KCNQ2: variants seen among roughly 807,000 people sequenced by gnomAD.
KCNQ2 encodes the protein potassium voltage-gated channel subfamily KQT member 2.
Under a neutral mutation model 84.8 loss-of-function variants are expected in KCNQ2, and 14 were observed. That is an observed-to-expected ratio of 0.17 (90% CI 0.11 to 0.26). The LOEUF is 0.26. Ranked by LOEUF, KCNQ2 falls within the 10% of genes least tolerant of loss-of-function variation. The probability of loss-of-function intolerance (pLI) is 1.00; values close to 1 mark genes in which losing one functional copy is unlikely to be tolerated. For synonymous variants in KCNQ2, 599 were observed against 554.1 expected (o/e 1.08, Z -1.14); for missense variants, 788 against 1,254.0 (o/e 0.63, Z 5.61).
chr20:63,406,906 G>A lies in KCNQ2; in HGVS notation c.2357C>T (p.Thr786Met), dbSNP rs754872408. The change falls in exon 17 of 17, where the codon ACG (threonine) becomes ATG (methionine). Residue 786 changes from threonine (T) to methionine (M), a missense_variant. Coordinates refer to ENST00000359125, the MANE Select transcript of KCNQ2 (RefSeq NM_172107.4). ...PPEGNLRDSD[T>M]SISIPSVDHE... ...GTCCACGGACGGGATGGAGATGGAC[G>A]TGTCGCTGTCCCGCAGGTTCCCCTC... 1 of 1,610,668 alleles carries A rather than the reference G, an allele frequency of 6.2e-7. No homozygotes were observed. Among genetic ancestry groups the A allele is most frequent in the Non-Finnish European group, 8.5e-7 (1 of 1,179,328 alleles).
chr20:63,454,443 G>A (rs1600826941), intron 1 of KCNQ2, among the ~76,000 whole-genome samples: 3 of 152,224 alleles, frequency 2.0e-5, no homozygotes, highest in African/African-American at 4.8e-5. Context: ...GGGAGGAGGC[G>A]GCACGGGGTG....
Position 63,407,130 on chromosome 20 carries a change from C to T in KCNQ2, c.2133G>A (p.Gln711=), listed in dbSNP as rs946287354. 9.0e-6 allele frequency: 14 copies of T among 1,560,360 alleles called. No individual in the cohort carries two copies. Among genetic ancestry groups the T allele is most frequent in the Non-Finnish European group, 1.2e-5 (14 of 1,156,538 alleles). The change falls in exon 17 of 17, where the codon CAG becomes CAA. Residue 711 remains glutamine (Q), a synonymous_variant. Transcript: ENST00000359125. This position sits in a 1 kb window ranked among gnomAD's most constrained non-coding sequence, Gnocchi z 7.2. ...FSAPPAAPPV[Q]CPPSTSWQPQ... ...GCTGCCAGGAGGTGGAGGGCGGACA[C>T]TGGACAGGGGGCGCGGCCGGGGGCG...
intron 10 of KCNQ2, among the ~76,000 whole-genome samples, chr20:63,427,557 G>A (rs1344152249): frequency 4.6e-5 from 7 of 152,218 alleles, no homozygotes; most frequent in South Asian, 2.1e-4. Flanking sequence ...TGCTCCCTCC[G>A]AAAGCTCCAG....
intron 10 of KCNQ2, among the ~76,000 whole-genome samples, chr20:63,427,322 G>A (rs192317611): frequency 2.0e-5 from 3 of 152,354 alleles, no homozygotes; most frequent in Admixed American, 1.3e-4. Flanking sequence ...AGTCCTCCAC[G>A]CATGAACCTG....
chr20:63,406,886 C>T lies in KCNQ2; in HGVS notation c.2377G>A (p.Val793Met), dbSNP rs377227909. ...GAACGCTCCAGCTCCTCGTGGTCCA[C>T]GGACGGGATGGAGATGGACGTGTCG... ...DSDTSISIPS[V>M]DHEELERSFS... The change falls in exon 17 of 17, where the codon GTG becomes ATG. Residue 793 changes from valine (V) to methionine (M), a missense_variant. Physicochemically the swap from Val to Met is conservative, Grantham distance 21. Coordinates refer to ENST00000359125, the MANE Select transcript of KCNQ2 (RefSeq NM_172107.4). The T allele has an allele frequency of 8.1e-6, 13 of 1,611,840 alleles. No homozygotes were observed. Among genetic ancestry groups the T allele is most frequent in the East Asian group, 2.2e-5 (1 of 44,860 alleles).
chr20:63,421,948 C>T (rs1037986999), intron 11 of KCNQ2, among the ~76,000 whole-genome samples: 9 of 152,196 alleles, frequency 5.9e-5, no homozygotes, highest in African/African-American at 2.2e-4. Context: ...ACCGAGCCCC[C>T]GCCAGCCGGG....
rs369948425 is a variant in KCNQ2 at position 63,414,786 on chromosome 20, G to T, written c.1525+117C>A. On this transcript the variant is annotated intron_variant, in intron 13 of 16. Transcript: ENST00000359125. This position sits in a 1 kb window ranked among gnomAD's most constrained non-coding sequence, Gnocchi z 6.6. ...ACCTCAATTTTAGAAAGGATAGGGG[G>T]TTCCCACTCCAAGAGCAAGCAAAAG... 23 of 943,222 alleles carry T rather than the reference G, an allele frequency of 2.4e-5. No individual in the cohort carries two copies. In the East Asian group the frequency reaches 3.4e-4, roughly 14 times the overall value. 58.4% of individuals were successfully genotyped at this position (943,222 alleles called of 1,614,324 possible). A position where few individuals can be genotyped will look rare whatever the true frequency, so the allele number is the denominator to read the frequency against.
intron 1 of KCNQ2, among the ~76,000 whole-genome samples, chr20:63,458,191 C>T (rs1013387450): frequency 3.9e-5 from 6 of 152,290 alleles, no homozygotes; most frequent in African/African-American, 1.4e-4. Context: ...TCTCCACTGC[C>T]CCATCCCAAC....
intron 11 of KCNQ2, chr20:63,423,916 C>T: frequency 1.9e-6 from 1 of 527,316 alleles, no homozygotes; most frequent in Non-Finnish European, 3.5e-6. Context: ...GGGGATCCCC[C>T]ACCCCCGAGA....
At chr20:63,412,256 T>C (rs1446920436) in intron 15 of KCNQ2, 1 of 186,000 alleles carries the variant, frequency 5.4e-6, no homozygotes, top group Non-Finnish European at 1.1e-5. Flanking sequence ...CCTTGGGGTG[T>C]TTGCTTTGTT....
chr20:63,452,364 C>G (rs560375317), intron 1 of KCNQ2, among the ~76,000 whole-genome samples: 1 of 152,328 alleles, frequency 6.6e-6, no homozygotes, highest in South Asian at 2.1e-4. Context: ...ATGTTGCGGT[C>G]TTGAGGAAAA....
intron 1 of KCNQ2, among the ~76,000 whole-genome samples, chr20:63,456,495 G>A (rs1014887955): frequency 1.3e-5 from 2 of 152,142 alleles, no homozygotes; most frequent in African/African-American, 2.4e-5. Flanking sequence ...AACACGTGAA[G>A]GATGGGCGGG....
In KCNQ2 at chr20:63,407,125, G is replaced by A. The variant is rs750333438; in HGVS notation, c.2138C>T (p.Pro713Leu). Residue 713 changes from proline (P) to leucine (L), a missense_variant, in exon 17 of 17, where the codon CCG (proline) becomes CTG (leucine). Pro to Leu is a moderately conservative substitution (Grantham distance 98). This residue lies in a region of KCNQ2 where 378 missense variants were observed against 434.5 expected (regional missense o/e 0.87). Transcript: ENST00000359125. This position sits in a 1 kb window ranked among gnomAD's most constrained non-coding sequence, Gnocchi z 7.2. ...CTGTGGCTGCCAGGAGGTGGAGGGCGGACACTGGACAGGGGGCGCGGCCGG... is the reference window on the plus strand; with the variant it reads ...CTGTGGCTGCCAGGAGGTGGAGGGCAGACACTGGACAGGGGGCGCGGCCGG... Reference protein sequence around the residue: ...APPAAPPVQCPPSTSWQPQSH... With the variant: ...APPAAPPVQCLPSTSWQPQSH... The A allele has an allele frequency of 5.8e-6, 9 of 1,554,764 alleles. No individual in the cohort carries two copies. Among genetic ancestry groups the A allele is most frequent in the African/African-American group, 4.1e-5 (3 of 73,736 alleles).
chr20:63,424,180 G>A lies in KCNQ2; in HGVS notation c.1244C>T (p.Pro415Leu). ...GGTAGCAGCAGGGGGCACTGACCTT[G>A]GAGACGGCTCCGGCGGGGGGTCCTT... ...FRKDPPPEPS[P>L]SKGSPCRGPL... Residue 415 changes from proline (P) to leucine (L), a missense_variant, in exon 11 of 17, where the codon CCA becomes CTA. Physicochemically the swap from Pro to Leu is moderately conservative, Grantham distance 98. Coordinates refer to ENST00000359125, the MANE Select transcript of KCNQ2 (RefSeq NM_172107.4). 1 of 1,556,518 alleles carries A rather than the reference G, an allele frequency of 6.4e-7. No individual in the cohort carries two copies. Among genetic ancestry groups the A allele is most frequent in the Non-Finnish European group, 8.7e-7 (1 of 1,149,358 alleles).
At chr20:63,454,447 C>T (rs2145833009) in intron 1 of KCNQ2, among the ~76,000 whole-genome samples, 1 of 152,312 alleles carries the variant, frequency 6.6e-6, no homozygotes, top group Non-Finnish European at 1.5e-5. Context: ...GGAGGCGGCA[C>T]GGGGTGCGTC....
chr20:63,405,392 G>A lies in KCNQ2; in HGVS notation c.*1252C>T, dbSNP rs150233244. 6.6e-6 allele frequency: 1 copy of A among 152,514 alleles called. No individual in the cohort carries two copies. The highest frequency in any genetic ancestry group is 1.9e-4 in the East Asian group (1 of 5,184). 9.4% of individuals were successfully genotyped at this position (152,514 alleles called of 1,614,324 possible). Reference sequence around the variant, plus strand: ...CCCAAGGGCCACGGTGCCCACAACAGGACGGGCATGGGACGGTGCACCCGA... The same window carrying A: ...CCCAAGGGCCACGGTGCCCACAACAAGACGGGCATGGGACGGTGCACCCGA... On this transcript the variant is annotated 3_prime_UTR_variant, in exon 17 of 17. Coordinates refer to ENST00000359125, the MANE Select transcript of KCNQ2 (RefSeq NM_172107.4).
chr20:63,418,136 C>T (rs553678077), intron 12 of KCNQ2, among the ~76,000 whole-genome samples: 2 of 152,360 alleles, frequency 1.3e-5, no homozygotes, highest in African/African-American at 4.8e-5. Context: ...GCCAGCCTGC[C>T]TCAGCTGCCA....
intron 12 of KCNQ2, among the ~76,000 whole-genome samples, chr20:63,417,808 G>A (rs1165199814): frequency 6.6e-6 from 1 of 152,192 alleles, no homozygotes; most frequent in Non-Finnish European, 1.5e-5. Context: ...ACGACAAGGA[G>A]CCACAGCCCC....
Position 63,400,461 on chromosome 20 carries a change from ATGGACGG to A in KCNQ2, c.*6176_*6182del. On this transcript the variant is annotated 3_prime_UTR_variant, in exon 17 of 17. Transcript: ENST00000359125. This position sits in a 1 kb window ranked among gnomAD's most constrained non-coding sequence, Gnocchi z 8.7. ...TTCCCTGGGCGTCTATCCCTAGAAA[ATGGACGG>A]TGCACAAAGTTGAGATTGAAGTGTG... The A allele has an allele frequency of 2.5e-6, 1 of 397,428 alleles. No homozygotes were observed. Among genetic ancestry groups the A allele is most frequent in the East Asian group, 3.6e-5 (1 of 28,066 alleles). The allele number at this position is 397,428 out of a possible 1,614,324, so 24.6% of individuals were successfully genotyped here. A position where few individuals can be genotyped will look rare whatever the true frequency, so the allele number is the denominator to read the frequency against.
Sources: gnomAD v4.1 joint callset for allele counts (sites outside exome capture counted in the v4.1 genomes callset) on GRCh38, gnomAD v4.1.1 for gene constraint, gnomAD v4.1.1 regional missense constraint, Gnocchi (gnomAD v3.1) non-coding constraint, MANE v1.5 for transcripts, NCBI Gene and HGNC (gene_info 2026-07-23, HGNC 2026-07-21) for gene names.